The following MBTPS1 variants were observed in gnomAD, a reference collection of about 807,000 sequenced individuals.
MBTPS1 encodes membrane bound transcription factor peptidase, site 1, also known as membrane-bound transcription factor site-1 protease.
MBTPS1 carries 94 observed loss-of-function variants against 127.8 expected under a neutral mutation model. The ratio of observed to expected loss-of-function variants is 0.74; its 90% CI spans 0.62 to 0.87. The LOEUF (loss-of-function observed/expected upper bound fraction) is 0.87. Ranked by LOEUF, MBTPS1 falls within the 40% of genes least tolerant of loss-of-function variation. MBTPS1 has a pLI of 0.00. For missense variants in MBTPS1, 1,636 were observed against 1,353.2 expected (o/e 1.21, Z -3.28); for synonymous variants, 632 against 509.4 (o/e 1.24, Z -3.24).
Position 84,054,163 on chromosome 16 carries a change from A to G in MBTPS1, c.*286T>C. The G allele has an allele frequency of 3.5e-6, 1 of 285,070 alleles. No individual in the cohort carries two copies. Among genetic ancestry groups the G allele is most frequent in the Non-Finnish European group, 6.6e-6 (1 of 152,352 alleles). The allele number at this position is 285,070 out of a possible 1,614,324, so 17.7% of individuals were successfully genotyped here. A position where few individuals can be genotyped will look rare whatever the true frequency, so the allele number is the denominator to read the frequency against. ...TTCCCCTGCAGTCAGAAGACCCCAG[A>G]CAGCCTTTCCAGTTCTCCCGAGTCT... On this transcript the variant is annotated 3_prime_UTR_variant, in exon 23 of 23. Transcript: ENST00000343411.
chr16:84,075,154 G>C (rs1326504625), intron 11 of MBTPS1: 2 of 153,692 alleles, frequency 1.3e-5, no homozygotes, highest in African/African-American at 4.8e-5. Flanking sequence ...GCAGGAGAGA[G>C]GGGAGAGCTT....
chr16:84,068,560 A>C, intron 14 of MBTPS1, 106 bp from the exon 15 acceptor site: 2 of 770,540 alleles, frequency 2.6e-6, no homozygotes, highest in Admixed American at 2.2e-5. Flanking sequence ...CATGGCCCAC[A>C]GAGAAGGCCT....
intron 16 of MBTPS1, among the ~76,000 whole-genome samples, chr16:84,067,435 C>T (rs549997879): frequency 3.1e-4 from 47 of 152,340 alleles, no homozygotes; most frequent in South Asian, 1.9e-3. Flanking sequence ...TCACTGCAGC[C>T]TTGGCCTCCC....
chr16:84,086,865 T>G (rs2086035549), intron 9 of MBTPS1, among the ~76,000 whole-genome samples: 1 of 152,220 alleles, frequency 6.6e-6, no homozygotes, highest in African/African-American at 2.4e-5. Flanking sequence ...AGCTGAATTA[T>G]TAACTGTAGC....
At chr16:84,058,233 T>C (rs2085549213) in intron 21 of MBTPS1, among the ~76,000 whole-genome samples, 1 of 152,254 alleles carries the variant, frequency 6.6e-6, no homozygotes, top group African/African-American at 2.4e-5. Context: ...GTGCGTGGTG[T>C]GTTCAGCACT....
chr16:84,111,979 T>C (rs941874131), intron 1 of MBTPS1, among the ~76,000 whole-genome samples: 1 of 150,984 alleles, frequency 6.6e-6, no homozygotes, highest in Non-Finnish European at 1.5e-5. Context: ...GGCAGGCGGA[T>C]CACTTGAGGC....
In MBTPS1 at chr16:84,055,868, C is replaced by G; in HGVS notation, c.2962+137G>C. The G allele has an allele frequency of 4.4e-6, 4 of 916,602 alleles. No homozygotes were observed. The East Asian group carries it at 9.9e-5, about 23-fold the overall frequency. The allele number at this position is 916,602 out of a possible 1,614,324, so 56.8% of individuals were successfully genotyped here. A position where few individuals can be genotyped will look rare whatever the true frequency, so the allele number is the denominator to read the frequency against. On this transcript the variant is annotated intron_variant, in intron 22 of 22. Transcript: ENST00000343411. Reference sequence around the variant, plus strand: ...ATGCTGGTTTGTGCCACAAAAGAAGCCAAGAGCCAAGGCCACCACAGCTCC... The same window carrying G: ...ATGCTGGTTTGTGCCACAAAAGAAGGCAAGAGCCAAGGCCACCACAGCTCC...
intron 1 of MBTPS1, among the ~76,000 whole-genome samples, chr16:84,112,733 G>A (rs908035183): frequency 6.6e-6 from 1 of 151,258 alleles, no homozygotes; most frequent in African/African-American, 2.4e-5. Flanking sequence ...CCAGCACTGT[G>A]GGAGGCCGAG....
chr16:84,079,790 T>C (rs999462475), intron 11 of MBTPS1, among the ~76,000 whole-genome samples: 3 of 151,952 alleles, frequency 2.0e-5, no homozygotes, highest in South Asian at 4.2e-4. Context: ...AACCTGGAGG[T>C]GGCATGAACT....
At position 84,101,723 on chromosome 16, in the gene MBTPS1, G is replaced by C; in HGVS notation, c.61C>G (p.Leu21Val). ...GATTTCTTTTCCAGTCTGTCGCCCA[G>C]ATGTTTCTTCCCACAGAGCAAAACC... ...LVVLLCGKKH[L>V]GDRLEKKSFE... Residue 21 changes from leucine (L) to valine (V), a missense_variant, in exon 2 of 23, where the codon CTG becomes GTG. Coordinates refer to ENST00000343411, the MANE Select transcript of MBTPS1 (RefSeq NM_003791.4). 1 of 1,614,166 alleles carries C rather than the reference G, an allele frequency of 6.2e-7. No individual in the cohort carries two copies. The highest frequency in any genetic ancestry group is 8.5e-7 in the Non-Finnish European group (1 of 1,180,014).
chr16:84,087,306 G>T, intron 9 of MBTPS1, 52 bp downstream of exon 9: 1 of 1,414,592 alleles, frequency 7.1e-7, no homozygotes, highest in Admixed American at 1.7e-5. Flanking sequence ...GGTGCCACTA[G>T]CCACAGTAGT....
At chr16:84,091,018 A>C in intron 7 of MBTPS1, 76 bp from the exon 8 acceptor site, 1 of 1,002,006 alleles carries the variant, frequency 1.0e-6, no homozygotes. Flanking sequence ...AAAAAAAACC[A>C]TACACAACGT....
intron 1 of MBTPS1, among the ~76,000 whole-genome samples, chr16:84,112,408 C>G (rs1456302075): frequency 6.6e-6 from 1 of 151,966 alleles, no homozygotes; most frequent in Non-Finnish European, 1.5e-5. Flanking sequence ...TCCTGTAATC[C>G]CGGCACTTTG....
chr16:84,074,484 T>C (rs1165268997), intron 12 of MBTPS1, 113 bp downstream of exon 12: 16 of 1,071,504 alleles, frequency 1.5e-5, no homozygotes, highest in Middle Eastern at 5.0e-4. Flanking sequence ...TCCTCTCTCC[T>C]CGGCCTAGAA....
In MBTPS1 at chr16:84,086,981, CA is replaced by C. The variant is rs551810162; in HGVS notation, c.1134+376del. On this transcript the variant is annotated intron_variant, in intron 9 of 22. Coordinates refer to ENST00000343411, the MANE Select transcript of MBTPS1 (RefSeq NM_003791.4). The stretch of plus-strand genomic sequence containing the variant: ...CCAACTTCTTAAGGCTCCCCTCCCC[CA>C]AAAAATATCATCTCACCTACCACTG... Among the ~76,000 whole-genome samples, 56 of 152,188 alleles carry C rather than the reference CA, an allele frequency of 3.7e-4. 2 individuals are homozygous for C. In the South Asian group the frequency reaches 0.011, roughly 31 times the overall value.
chr16:84,087,058 T>C (rs2086038684), intron 9 of MBTPS1, among the ~76,000 whole-genome samples: 1 of 151,994 alleles, frequency 6.6e-6, no homozygotes, highest in Non-Finnish European at 1.5e-5. Context: ...GGAACCCAAT[T>C]CACCTAAAGG....
chr16:84,091,019 T>C (rs1179377653), intron 7 of MBTPS1, 77 bp from the exon 8 acceptor site: 8 of 944,886 alleles, frequency 8.5e-6, no homozygotes, highest in Middle Eastern at 4.4e-4. Context: ...AAAAAAACCA[T>C]ACACAACGTC....
At chr16:84,066,657 C>T (rs751724355) in intron 16 of MBTPS1, 44 bp from the exon 17 acceptor site, 23 of 1,593,076 alleles carry the variant, frequency 1.4e-5, no homozygotes, top group Non-Finnish European at 2.0e-5. Context: ...GGAATGAAGA[C>T]ACTCCATACA....
rs1258295480 is a variant in MBTPS1 at position 84,099,012 on chromosome 16, T to C, written c.421+41A>G. ...ACTCTGCAGTTTGAGATTTTCAAAG[T>C]AAACAGCAGAGAGAAATTTGCCTAC... On this transcript the variant is annotated intron_variant, in intron 3 of 22. Coordinates refer to ENST00000343411, the MANE Select transcript of MBTPS1 (RefSeq NM_003791.4). 3.4e-6 allele frequency: 5 copies of C among 1,457,646 alleles called. No individual in the cohort carries two copies. In the Admixed American group the frequency reaches 6.7e-5, roughly 19 times the overall value. The allele number at this position is 1,457,646 out of a possible 1,614,324, so 90.3% of individuals were successfully genotyped here.
Sources: allele counts gnomAD v4.1 joint callset (sites outside exome capture counted in the v4.1 genomes callset), GRCh38; gene constraint gnomAD v4.1.1; transcripts MANE v1.5; gene names NCBI Gene and HGNC (gene_info 2026-07-23, HGNC 2026-07-21).